The following OTOA variants were observed in gnomAD, a reference collection of about 807,000 sequenced individuals.
OTOA encodes the protein cancer/testis antigen 108.
In OTOA, 70 loss-of-function variants were observed where a neutral mutation model predicts 110.8. The ratio of observed to expected loss-of-function variants is 0.63; its 90% CI spans 0.52 to 0.77. The LOEUF is 0.77. OTOA is among the 30% of genes least tolerant of loss of function. The probability of loss-of-function intolerance (pLI) is 0.00; values close to 1 mark genes in which losing one functional copy is unlikely to be tolerated. For missense variants in OTOA, 917 were observed against 1,075.8 expected (o/e 0.85, Z 2.06); for synonymous variants, 373 against 431.5 (o/e 0.86, Z 1.68).
At chr16:21,738,053 T>A (rs1168255768) in intron 22 of OTOA, among the ~76,000 whole-genome samples, 2 of 151,988 alleles carry the variant, frequency 1.3e-5, no homozygotes, top group Non-Finnish European at 2.9e-5. Context: ...GTATATTGTA[T>A]GAAAAGTGCC....
Position 21,689,644 on chromosome 16 carries a change from G to T in OTOA, c.636-1940G>T, listed in dbSNP as rs183957155. Among the ~76,000 whole-genome samples, 23 of 152,110 alleles carry T rather than the reference G, an allele frequency of 1.5e-4. No homozygotes were observed. The East Asian group carries it at 4.4e-3, about 29-fold the overall frequency. ...CCATCAGAAACATCTTTGGCTCTTT[G>T]TCTTATATGCTGAAAACCACTGAAT... On this transcript the variant is annotated intron_variant, in intron 8 of 28. Transcript: ENST00000646100.
chr16:21,683,255 C>G (rs760223800), intron 6 of OTOA, among the ~76,000 whole-genome samples: 3 of 152,168 alleles, frequency 2.0e-5, no homozygotes, highest in Non-Finnish European at 4.4e-5. Flanking sequence ...CACTATTGAG[C>G]ACTTACTGTG....
At chr16:21,751,301 G>T (rs1271897957) in intron 24 of OTOA, among the ~76,000 whole-genome samples, 1 of 13,492 alleles carries the variant, frequency 7.4e-5, no homozygotes, top group Non-Finnish European at 2.3e-4. Flanking sequence ...GCCGAGGTGG[G>T]TGGATCACTT....
Position 21,695,889 on chromosome 16 carries a change from A to ATTTTT in OTOA, c.740-1885_740-1884insTTTTT, listed in dbSNP as rs1213474615. Among the ~76,000 whole-genome samples, 185 of 63,632 alleles carry ATTTTT rather than the reference A, an allele frequency of 2.9e-3. 1 individual carries two copies. Among genetic ancestry groups the ATTTTT allele is most frequent in the African/African-American group, 0.01 (122 of 11,842 alleles). 41.7% of individuals were successfully genotyped at this position (63,632 alleles called of 152,430 possible). A position where few individuals can be genotyped will look rare whatever the true frequency, so the allele number is the denominator to read the frequency against. Reference sequence around the variant, plus strand: ...GAGATATATATATATATATATATATATATTTTTTTTTTTTTTTTTTTCTGA... The same window carrying ATTTTT: ...GAGATATATATATATATATATATATATTTTTTATTTTTTTTTTTTTTTTTTTCTGA... On this transcript the variant is annotated intron_variant, in intron 9 of 28. Transcript: ENST00000646100.
At chr16:21,664,649 G>T (rs563539745) in intron 1 of OTOA, among the ~76,000 whole-genome samples, 1 of 152,108 alleles carries the variant, frequency 6.6e-6, no homozygotes, top group South Asian at 2.1e-4. Context: ...ATAAAGTAAT[G>T]CCTACCTCAT....
rs1898135360 is a variant in OTOA, at chr16:21,705,180, T to C, written c.992T>C (p.Leu331Pro). ...NTSTIHRLGL[L>P]VCFYNDLELL... Reference sequence around the variant, plus strand: ...CTCTTCTCACACAGGCTGGGGCTGCTGGTTTGTTTCTACAATGACCTGGAA... The same window carrying C: ...CTCTTCTCACACAGGCTGGGGCTGCCGGTTTGTTTCTACAATGACCTGGAA... Residue 331 changes from leucine (L) to proline (P), a missense_variant, in exon 12 of 29, where the codon CTG becomes CCG. Around this residue, in one of 6 missense-constraint regions of OTOA, gnomAD observed 840 missense variants for 910.2 expected, o/e 0.92. Coordinates refer to ENST00000646100, the MANE Select transcript of OTOA (RefSeq NM_144672.4). The C allele has an allele frequency of 6.2e-7, 1 of 1,614,184 alleles. No homozygotes were observed. The highest frequency in any genetic ancestry group is 8.5e-7 in the Non-Finnish European group (1 of 1,180,024).
intron 12 of OTOA, among the ~76,000 whole-genome samples, chr16:21,706,237 C>T (rs927833281): frequency 6.6e-6 from 1 of 152,192 alleles, no homozygotes; most frequent in Admixed American, 6.5e-5. Flanking sequence ...CCTCCTTCTT[C>T]CCTTGGCCTC....
chr16:21,705,134 ACACCT>A, intron 11 of OTOA, 30 bp from the exon 12 acceptor site: 1 of 1,614,154 alleles, frequency 6.2e-7, no homozygotes, highest in Non-Finnish European at 8.5e-7. Context: ...TTCTGCGGTT[ACACCT>A]CCACCACCAT....
chr16:21,738,155 A>C, intron 22 of OTOA, among the ~76,000 whole-genome samples: 1 of 150,360 alleles, frequency 6.7e-6, no homozygotes, highest in Non-Finnish European at 1.5e-5. Context: ...CTTATTGAGA[A>C]GGTGACATTT....
At chr16:21,682,040 A>T (rs1276999193) in intron 6 of OTOA, among the ~76,000 whole-genome samples, 1 of 152,182 alleles carries the variant, frequency 6.6e-6, no homozygotes, top group Non-Finnish European at 1.5e-5. Flanking sequence ...ATATTAGGAT[A>T]TAGGCTGAGC....
intron 10 of OTOA, among the ~76,000 whole-genome samples, chr16:21,700,542 T>A (rs1243603775): frequency 6.6e-6 from 1 of 151,762 alleles, no homozygotes; most frequent in Non-Finnish European, 1.5e-5. Context: ...CTGGACAACA[T>A]GGTGAATCCC....
chr16:21,734,079 G>A (rs1474411635), intron 21 of OTOA, among the ~76,000 whole-genome samples: 1 of 151,448 alleles, frequency 6.6e-6, no homozygotes, highest in Non-Finnish European at 1.5e-5. Context: ...GATTACAGGT[G>A]TGAGCCACCG....
At chr16:21,733,661 C>A (rs548498013) in intron 21 of OTOA, among the ~76,000 whole-genome samples, 2 of 150,444 alleles carry the variant, frequency 1.3e-5, no homozygotes, top group Admixed American at 6.6e-5. Flanking sequence ...AAAGTGTATT[C>A]GTTCTAGATG....
chr16:21,687,797 C>T, intron 8 of OTOA, 149 bp downstream of exon 8: 1 of 742,212 alleles, frequency 1.3e-6, no homozygotes, highest in Non-Finnish European at 2.2e-6. Flanking sequence ...TTCCAAGTAG[C>T]TGGGACTACA....
At chr16:21,670,250 A>C (rs530133087) in intron 1 of OTOA, among the ~76,000 whole-genome samples, 12 of 151,072 alleles carry the variant, frequency 7.9e-5, no homozygotes, top group African/African-American at 2.7e-4. Context: ...GACCCTACTC[A>C]CTCTGGCCCT....
chr16:21,690,068 C>T (rs1252298985), intron 8 of OTOA, among the ~76,000 whole-genome samples: 1 of 151,818 alleles, frequency 6.6e-6, no homozygotes, highest in Non-Finnish European at 1.5e-5. Flanking sequence ...CAAAAAAGGA[C>T]CAAGAGGTGA....
chr16:21,707,156 A>T (rs1034743393), intron 12 of OTOA, among the ~76,000 whole-genome samples: 3 of 151,830 alleles, frequency 2.0e-5, no homozygotes, highest in African/African-American at 7.3e-5. Flanking sequence ...TCAGCCACCG[A>T]GCCTAGCCTG....
chr16:21,695,240 C>T (rs1167261233), intron 9 of OTOA, among the ~76,000 whole-genome samples: 2 of 117,764 alleles, frequency 1.7e-5, no homozygotes, highest in Non-Finnish European at 3.5e-5. Context: ...CCCCCCCATA[C>T]AAAAAAATTA....
intron 12 of OTOA, among the ~76,000 whole-genome samples, chr16:21,707,360 G>A (rs1166032631): frequency 6.6e-6 from 1 of 152,010 alleles, no homozygotes; most frequent in Admixed American, 6.6e-5. Context: ...ACTGGAGGGT[G>A]CATCTAAATC....
Sources: allele counts gnomAD v4.1 joint callset (sites outside exome capture counted in the v4.1 genomes callset), GRCh38; gene constraint gnomAD v4.1.1; regional missense constraint gnomAD v4.1.1; transcripts MANE v1.5; gene names NCBI Gene and HGNC (gene_info 2026-07-23, HGNC 2026-07-21).